The following ENTREP2 variants were observed in gnomAD, a reference collection of about 807,000 sequenced individuals.
The protein encoded by ENTREP2 is protein ENTREP2.
At chr15:29,187,723 A>G in the ENTREP2 span, among the ~76,000 whole-genome samples, 1 of 152,200 alleles carries the variant, frequency 6.6e-6, no homozygotes, top group Non-Finnish European at 1.5e-5. Context: ...ACTCTTATTG[A>G]TTTCAAAAAC....
At chr15:29,350,667 G>T in the ENTREP2 span, among the ~76,000 whole-genome samples, 1 of 152,186 alleles carries the variant, frequency 6.6e-6, no homozygotes, top group East Asian at 1.9e-4. Flanking sequence ...GAGAGGGTGG[G>T]TATGGTGGCT....
chr15:29,419,460 A>T, the ENTREP2 span, among the ~76,000 whole-genome samples: 1 of 152,156 alleles, frequency 6.6e-6, no homozygotes, highest in Middle Eastern at 3.2e-3. Flanking sequence ...AGGAAAAAAA[A>T]ATTTAAGAGG....
the ENTREP2 span, among the ~76,000 whole-genome samples, chr15:29,510,828 G>A: frequency 6.6e-6 from 1 of 150,884 alleles, no homozygotes; most frequent in African/African-American, 2.5e-5. Context: ...AAAAAAATGT[G>A]GCACATATAC....
At chr15:29,129,882 A>AT in the ENTREP2 span, among the ~76,000 whole-genome samples, 7 of 152,140 alleles carry the variant, frequency 4.6e-5, no homozygotes, top group Admixed American at 3.9e-4. Flanking sequence ...TCAGAAAACA[A>AT]TTTTTTGAAT....
the ENTREP2 span, among the ~76,000 whole-genome samples, chr15:29,170,102 T>C: frequency 0.013 from 1,901 of 151,928 alleles, 43 homozygotes; most frequent in African/African-American, 0.043. Flanking sequence ...GGTCAGAAGA[T>C]TGAGACCATC....
chr15:29,155,114 C>G, the ENTREP2 span, among the ~76,000 whole-genome samples: 2 of 133,724 alleles, frequency 1.5e-5, no homozygotes, highest in Admixed American at 7.5e-5. Context: ...AACCCCGTCT[C>G]TACTAAAAAT....
chr15:29,198,123 C>T, the ENTREP2 span, among the ~76,000 whole-genome samples: 1 of 152,162 alleles, frequency 6.6e-6, no homozygotes, highest in African/African-American at 2.4e-5. Context: ...TTAGCCCCTG[C>T]CACCCCCTGC....
the ENTREP2 span, chr15:29,234,417 C>T: frequency 5.3e-6 from 8 of 1,522,270 alleles, no homozygotes; most frequent in South Asian, 2.2e-5. Flanking sequence ...AAATGGGCAA[C>T]CATTCCAGTA....
chr15:29,140,753 T>C, the ENTREP2 span, among the ~76,000 whole-genome samples: 36 of 152,120 alleles, frequency 2.4e-4, no homozygotes, highest in African/African-American at 8.2e-4. Context: ...CTCACCTGCA[T>C]GTTGACTGCC....
At chr15:29,631,003 A>G in the ENTREP2 span, among the ~76,000 whole-genome samples, 1 of 152,306 alleles carries the variant, frequency 6.6e-6, no homozygotes, top group African/African-American at 2.4e-5. Flanking sequence ...TTATTTCTCT[A>G]TTCTCACATT....
the ENTREP2 span, chr15:29,195,084 C>T: frequency 1.4e-5 from 14 of 976,872 alleles, no homozygotes; most frequent in South Asian, 9.5e-5. Context: ...AGAATGTGGG[C>T]GTAGGTAATG....
chr15:29,598,971 C>T, the ENTREP2 span, among the ~76,000 whole-genome samples: 1 of 152,234 alleles, frequency 6.6e-6, no homozygotes, highest in Non-Finnish European at 1.5e-5. Context: ...GCTGGGATTA[C>T]AGGCATGAGC....
At chr15:29,449,870 G>A in the ENTREP2 span, among the ~76,000 whole-genome samples, 1 of 152,176 alleles carries the variant, frequency 6.6e-6, no homozygotes, top group Non-Finnish European at 1.5e-5. Flanking sequence ...GTATTAAGAA[G>A]TGTTTAAGCA....
chr15:29,618,047 G>T, the ENTREP2 span, among the ~76,000 whole-genome samples: 1 of 152,090 alleles, frequency 6.6e-6, no homozygotes, highest in Non-Finnish European at 1.5e-5. Flanking sequence ...TTCGTGGGCT[G>T]CCTATCTCTT....
chr15:29,573,347 A>C, the ENTREP2 span, among the ~76,000 whole-genome samples: 1 of 152,292 alleles, frequency 6.6e-6, no homozygotes, highest in East Asian at 1.9e-4. Flanking sequence ...TGAAAACTTT[A>C]GACAAATAAA....
chr15:29,210,243 C>T, the ENTREP2 span, among the ~76,000 whole-genome samples: 12 of 152,182 alleles, frequency 7.9e-5, no homozygotes, highest in Non-Finnish European at 1.6e-4. Flanking sequence ...TACTAGACAA[C>T]TGGGGGCTAC....
At chr15:29,444,551 C>A in the ENTREP2 span, among the ~76,000 whole-genome samples, 1 of 151,324 alleles carries the variant, frequency 6.6e-6, no homozygotes, top group Non-Finnish European at 1.5e-5. Context: ...ACTGCAAACT[C>A]CGACTCCCAG....
the ENTREP2 span, among the ~76,000 whole-genome samples, chr15:29,540,225 T>C: frequency 6.6e-6 from 1 of 152,176 alleles, no homozygotes; most frequent in Non-Finnish European, 1.5e-5. Context: ...CACCCTAGTG[T>C]TTCCCATTTC....
the ENTREP2 span, among the ~76,000 whole-genome samples, chr15:29,498,196 A>C: frequency 6.6e-6 from 1 of 152,018 alleles, no homozygotes; most frequent in Admixed American, 6.6e-5. Flanking sequence ...TATGATCGTT[A>C]AGTTTCTTGA....
Sources: allele counts gnomAD v4.1 joint callset (sites outside exome capture counted in the v4.1 genomes callset), GRCh38; gene constraint gnomAD v4.1.1; transcripts MANE v1.5; gene names NCBI Gene and HGNC (gene_info 2026-07-23, HGNC 2026-07-21).